The following KIAA1328 variants were observed in gnomAD, a reference collection of about 807,000 sequenced individuals.
KIAA1328 encodes the protein KIAA1328, also known as protein hinderin.
KIAA1328 carries 52 observed loss-of-function variants against 68.1 expected under a neutral mutation model. The ratio of observed to expected loss-of-function variants is 0.76; its 90% CI spans 0.61 to 0.96. KIAA1328 has a LOEUF of 0.96. KIAA1328 is among the 40% of genes least tolerant of loss of function. The pLI is 0.00. For missense variants in KIAA1328, 641 were observed against 677.6 expected (o/e 0.95, Z 0.60); for synonymous variants, 232 against 239.4 (o/e 0.97, Z 0.28).
At chr18:36,895,634 C>T (rs1429952119) in intron 5 of KIAA1328, 2 of 382,854 alleles carry the variant, frequency 5.2e-6, no homozygotes, top group Admixed American at 2.7e-5. Flanking sequence ...CTATTCTGGG[C>T]TTAGCAAGGT....
chr18:36,885,248 C>T lies in KIAA1328; in HGVS notation c.333-309C>T, dbSNP rs538294771. On this transcript the variant is annotated intron_variant, in intron 4 of 9. Coordinates refer to ENST00000280020, the MANE Select transcript of KIAA1328 (RefSeq NM_020776.3). ...AAAATGAAACCCATGTTTTAAAAAT[C>T]GGAATATATTTCTGTCCTGGATTAT... Among the ~76,000 whole-genome samples, 16 of 152,168 alleles carry T rather than the reference C, an allele frequency of 1.1e-4. No homozygotes were observed. In the East Asian group the frequency reaches 3.1e-3, roughly 29 times the overall value.
intron 4 of KIAA1328, among the ~76,000 whole-genome samples, chr18:36,882,844 G>C (rs992462404): frequency 1.3e-5 from 2 of 152,118 alleles, no homozygotes; most frequent in African/African-American, 4.8e-5. Context: ...GTAAACCTGT[G>C]ATCTGCTTTT....
At chr18:37,164,906 C>G (rs572917588) in intron 8 of KIAA1328, among the ~76,000 whole-genome samples, 1 of 152,168 alleles carries the variant, frequency 6.6e-6, no homozygotes, top group African/African-American at 2.4e-5. Flanking sequence ...ATTATGTACA[C>G]CCGTGTAACC....
At chr18:36,846,734 G>C (rs926305320) in intron 4 of KIAA1328, among the ~76,000 whole-genome samples, 1 of 151,362 alleles carries the variant, frequency 6.6e-6, no homozygotes, top group African/African-American at 2.4e-5. Flanking sequence ...CTCTTTTACT[G>C]TCTTTTTTCC....
intron 9 of KIAA1328, among the ~76,000 whole-genome samples, chr18:37,186,440 G>A (rs940537912): frequency 1.3e-5 from 2 of 151,358 alleles, no homozygotes; most frequent in East Asian, 2.0e-4. Context: ...GGTAGTGTGC[G>A]CCTGTAGCCC....
At chr18:36,848,373 T>C (rs1172678887) in intron 4 of KIAA1328, among the ~76,000 whole-genome samples, 2 of 151,400 alleles carry the variant, frequency 1.3e-5, no homozygotes, top group Non-Finnish European at 3.0e-5. Flanking sequence ...TTTTGATTGC[T>C]CATTTGAAAA....
At chr18:36,841,147 G>C (rs1212465890) in intron 3 of KIAA1328, among the ~76,000 whole-genome samples, 2 of 152,032 alleles carry the variant, frequency 1.3e-5, no homozygotes, top group Non-Finnish European at 2.9e-5. Context: ...ACTGTTCCCA[G>C]TCATTGGTGT....
chr18:37,123,381 G>GA (rs1162384060), intron 7 of KIAA1328, among the ~76,000 whole-genome samples: 2 of 151,262 alleles, frequency 1.3e-5, no homozygotes, highest in African/African-American at 2.4e-5. Context: ...TTTAAAAAGT[G>GA]AAAAAAAAGA....
chr18:37,226,890 C>G (rs982685679), downstream of KIAA1328, among the ~76,000 whole-genome samples: 1 of 152,086 alleles, frequency 6.6e-6, no homozygotes, highest in African/African-American at 2.4e-5. Context: ...GCCTCAGCCT[C>G]CCCAGTAGCT....
At chr18:36,839,502 A>G (rs1474000782) in intron 3 of KIAA1328, among the ~76,000 whole-genome samples, 1 of 152,194 alleles carries the variant, frequency 6.6e-6, no homozygotes, top group Non-Finnish European at 1.5e-5. Context: ...AACTGTTTCA[A>G]TATTCTTGAC....
intron 7 of KIAA1328, among the ~76,000 whole-genome samples, chr18:37,150,115 G>T (rs1402075970): frequency 6.6e-6 from 1 of 152,040 alleles, no homozygotes. Flanking sequence ...TTCTAGTTAA[G>T]AACTTTCCCA....
At chr18:36,856,917 T>C (rs1357030769) in intron 4 of KIAA1328, among the ~76,000 whole-genome samples, 1 of 152,208 alleles carries the variant, frequency 6.6e-6, no homozygotes, top group Non-Finnish European at 1.5e-5. Context: ...TCATGTAGTC[T>C]CTGAAGTCTT....
At chr18:36,952,170 C>T (rs1025144407) in intron 5 of KIAA1328, among the ~76,000 whole-genome samples, 2 of 152,140 alleles carry the variant, frequency 1.3e-5, no homozygotes, top group Non-Finnish European at 2.9e-5. Flanking sequence ...GGTGATTTCT[C>T]AGCCAGGGGT....
intron 5 of KIAA1328, among the ~76,000 whole-genome samples, chr18:36,887,969 T>C (rs1221622450): frequency 1.3e-5 from 2 of 152,044 alleles, no homozygotes; most frequent in Non-Finnish European, 2.9e-5. Flanking sequence ...TTAAGAAAAT[T>C]TTGTGGTTAT....
At chr18:36,965,971 C>T (rs1221002554) in intron 6 of KIAA1328, among the ~76,000 whole-genome samples, 1 of 150,974 alleles carries the variant, frequency 6.6e-6, no homozygotes, top group African/African-American at 2.4e-5. Context: ...CTATTAAACT[C>T]CTCACAGACT....
intron 7 of KIAA1328, among the ~76,000 whole-genome samples, chr18:37,130,006 A>G (rs551733583): frequency 6.6e-6 from 1 of 152,326 alleles, no homozygotes; most frequent in Admixed American, 6.5e-5. Context: ...AATAGAATTT[A>G]AATGATATAA....
At chr18:36,833,301 A>G (rs1330286782) in intron 1 of KIAA1328, 1 of 152,186 alleles carries the variant, frequency 6.6e-6, no homozygotes, top group Non-Finnish European at 1.5e-5. Context: ...ATGACATGAC[A>G]TATGACATAA....
intron 3 of KIAA1328, among the ~76,000 whole-genome samples, chr18:36,842,362 T>C (rs968350153): frequency 4.6e-5 from 7 of 152,120 alleles, no homozygotes; most frequent in African/African-American, 1.7e-4. Flanking sequence ...AACTCAGGGG[T>C]GACACTGTCA....
At chr18:37,173,265 G>A (rs1004093807) in intron 9 of KIAA1328, among the ~76,000 whole-genome samples, 184 bp downstream of exon 9, 2 of 152,110 alleles carry the variant, frequency 1.3e-5, no homozygotes, top group Admixed American at 1.3e-4. Context: ...CTTTATACAT[G>A]CACTTTCTTA....
Sources: allele counts gnomAD v4.1 joint callset (sites outside exome capture counted in the v4.1 genomes callset), GRCh38; gene constraint gnomAD v4.1.1; transcripts MANE v1.5; gene names NCBI Gene and HGNC (gene_info 2026-07-23, HGNC 2026-07-21).